SYNPO: variants seen among roughly 807,000 people sequenced by gnomAD.
SYNPO encodes the protein synaptopodin.
In SYNPO, 19 loss-of-function variants were observed where a neutral mutation model predicts 49.5. The observed-to-expected ratio is 0.38, with a 90% CI of 0.27 to 0.56. The LOEUF is 0.56. SYNPO is among the 20% of genes least tolerant of loss of function. The pLI, the probability that SYNPO is intolerant of heterozygous loss-of-function variation, is 0.68. For missense variants in SYNPO, 1,131 were observed against 1,248.3 expected, an observed-to-expected ratio of 0.91 and a Z score of 1.42; for synonymous variants, 536 against 548.0, an observed-to-expected ratio of 0.98 and a Z score of 0.31.
At chr5:150,625,040 C>G in intron 2 of SYNPO, 2 of 921,472 alleles carry the variant, frequency 2.2e-6, no homozygotes, top group Non-Finnish European at 1.3e-6. Flanking sequence ...GCGGGGTGAC[C>G]TTGGCCAAGT....
chr5:150,641,803 G>T (rs1490647556), intron 1 of SYNPO, among the ~76,000 whole-genome samples: 1 of 152,260 alleles, frequency 6.6e-6, no homozygotes, highest in Non-Finnish European at 1.5e-5. Flanking sequence ...GAAAGAAGGA[G>T]TTGTTCTAGG....
chr5:150,640,049 C>T, upstream of SYNPO: 1 of 819,576 alleles, frequency 1.2e-6, no homozygotes, highest in Non-Finnish European at 1.5e-6. Flanking sequence ...AGCGTCTTCT[C>T]TAATATGGAG....
At chr5:150,651,138 G>A (rs2151427551) in intron 2 of SYNPO, 2 of 1,052,252 alleles carry the variant, frequency 1.9e-6, no homozygotes, top group Non-Finnish European at 1.2e-6. Context: ...GCCCTGTAGG[G>A]GGCTGTGCAG....
chr5:150,635,348 G>A (rs542210925), intron 2 of SYNPO, among the ~76,000 whole-genome samples: 1 of 152,372 alleles, frequency 6.6e-6, no homozygotes, highest in Admixed American at 6.5e-5. Flanking sequence ...GCCGGCTGGA[G>A]CCTCTCCAGC....
At position 150,650,070 on chromosome 5, in the gene SYNPO, G is replaced by T. The variant is rs1561658170; in HGVS notation, c.1795G>T (p.Val599Leu). 6.2e-7 allele frequency: 1 copy of T among 1,613,348 alleles called. No individual in the cohort carries two copies. The highest frequency in any genetic ancestry group is 2.2e-5 in the East Asian group (1 of 44,874). The change falls in exon 2 of 3, where the codon GTG (valine) becomes TTG (leucine). Residue 599 changes from valine (V) to leucine (L), a missense_variant. This residue lies in a region of SYNPO where 509 missense variants were observed against 484.5 expected (regional missense o/e 1.05). Transcript: ENST00000307662. Reference protein sequence around the residue: ...SPAKPSSLDLVPNLPKGALPP... With the variant: ...SPAKPSSLDLLPNLPKGALPP... ...CGCCAAGCCCAGCTCCTTGGACCTGGTGCCCAACCTGCCCAAGGGGGCTCT... is the reference window on the plus strand; with the variant it reads ...CGCCAAGCCCAGCTCCTTGGACCTGTTGCCCAACCTGCCCAAGGGGGCTCT...
chr5:150,590,218 T>C, the SYNPO span, among the ~76,000 whole-genome samples: 1 of 152,224 alleles, frequency 6.6e-6, no homozygotes, highest in African/African-American at 2.4e-5. Context: ...GCATCTTTGC[T>C]GAGGATCAAG....
At chr5:150,613,257 G>T (rs934998325) in intron 1 of SYNPO, among the ~76,000 whole-genome samples, 1 of 152,054 alleles carries the variant, frequency 6.6e-6, no homozygotes, top group Non-Finnish European at 1.5e-5. Context: ...TCCCCCAACC[G>T]TGTAGGGCTG....
upstream of SYNPO, among the ~76,000 whole-genome samples, chr5:150,636,768 T>G (rs1409762151): frequency 1.0e-5 from 1 of 99,438 alleles, no homozygotes; most frequent in African/African-American, 4.0e-5. Flanking sequence ...AGAAGTGACA[T>G]GGGGATCCCC....
At chr5:150,632,254 A>G (rs899237097) in intron 2 of SYNPO, among the ~76,000 whole-genome samples, 3 of 152,208 alleles carry the variant, frequency 2.0e-5, no homozygotes, top group Admixed American at 1.3e-4. Flanking sequence ...GCAGAATCCC[A>G]GGCCTCCTCA....
In SYNPO at chr5:150,656,506, G is replaced by C. The variant is rs1206690739; in HGVS notation, c.2131G>C (p.Gly711Arg). 3 of 1,531,954 alleles carry C rather than the reference G, an allele frequency of 2.0e-6. No individual in the cohort carries two copies. Among genetic ancestry groups the C allele is most frequent in the Admixed American group, 3.9e-5 (2 of 50,846 alleles). The allele number at this position is 1,531,954 out of a possible 1,614,324, so 94.9% of individuals were successfully genotyped here. A position where few individuals can be genotyped will look rare whatever the true frequency, so the allele number is the denominator to read the frequency against. ...GGTGAGCCCGGGCCCGTGGGAGCCA[G>C]GTCGCGGGAGCAGCATGAGCAGCCC... ...GWVSPGPWEP[G>R]RGSSMSSPPP... Residue 711 changes from glycine to arginine, a missense_variant, in exon 3 of 3, where the codon GGT becomes CGT. Physicochemically the swap from Gly to Arg is moderately radical, Grantham distance 125. Around this residue, in one of 4 missense-constraint regions of SYNPO, gnomAD observed 509 missense variants for 484.5 expected, o/e 1.05. Coordinates refer to ENST00000307662, the MANE Select transcript of SYNPO (RefSeq NM_007286.6).
chr5:150,589,954 CCGCCAGGGG>C, the SYNPO span, among the ~76,000 whole-genome samples: 2 of 152,238 alleles, frequency 1.3e-5, no homozygotes, highest in Non-Finnish European at 2.9e-5. Context: ...CCCACATCCC[CCGCCAGGGG>C]TGGCTGCAAA....
At chr5:150,632,446 C>A (rs1757572128) in intron 2 of SYNPO, among the ~76,000 whole-genome samples, 1 of 152,122 alleles carries the variant, frequency 6.6e-6, no homozygotes, top group South Asian at 2.1e-4. Context: ...GGGCACCCAC[C>A]CACTGTATAT....
Position 150,659,079 on chromosome 5 carries a change from G to A in SYNPO, c.*1992G>A, listed in dbSNP as rs1194657762. 5 of 152,352 alleles carry A rather than the reference G, an allele frequency of 3.3e-5. No individual in the cohort carries two copies. The South Asian group carries it at 1.0e-3, about 32-fold the overall frequency. The allele number at this position is 152,352 out of a possible 1,614,324, so 9.4% of individuals were successfully genotyped here. Reference sequence around the variant, plus strand: ...AGAAACCGGCAGTTCCCAAGCCAGCGCCTGGCTGTTCTCTCATTGTCACTG... The same window carrying A: ...AGAAACCGGCAGTTCCCAAGCCAGCACCTGGCTGTTCTCTCATTGTCACTG... On this transcript the variant is annotated 3_prime_UTR_variant, in exon 3 of 3. Coordinates refer to ENST00000307662, the MANE Select transcript of SYNPO (RefSeq NM_007286.6).
intron 1 of SYNPO, among the ~76,000 whole-genome samples, chr5:150,643,490 T>G (rs1314491779): frequency 6.6e-6 from 1 of 152,210 alleles, no homozygotes; most frequent in Non-Finnish European, 1.5e-5. Context: ...ATCTGATGTA[T>G]CTGCAAATCT....
the SYNPO span, among the ~76,000 whole-genome samples, chr5:150,589,378 T>C: frequency 0.018 from 2,751 of 152,322 alleles, 80 homozygotes; most frequent in African/African-American, 0.062. Context: ...AGATAATTTC[T>C]GAGCAGCACA....
chr5:150,612,240 A>G (rs60734136), intron 1 of SYNPO, among the ~76,000 whole-genome samples: 24,214 of 152,110 alleles, frequency 0.16, 2,197 homozygotes, highest in East Asian at 0.3. Context: ...GGGCAGGTGC[A>G]CCTGAGCCAT....
intron 2 of SYNPO, among the ~76,000 whole-genome samples, chr5:150,630,151 C>T (rs975712181): frequency 1.3e-5 from 2 of 152,128 alleles, no homozygotes; most frequent in Admixed American, 1.3e-4. Flanking sequence ...TCAAGGGTGC[C>T]CTGCAGTCAC....
At chr5:150,655,984 T>A (rs1489504064) in intron 2 of SYNPO, among the ~76,000 whole-genome samples, 1 of 152,260 alleles carries the variant, frequency 6.6e-6, no homozygotes, top group Non-Finnish European at 1.5e-5. Flanking sequence ...TCAACATCTA[T>A]TGAGCACTTT....
chr5:150,594,642 A>G, the SYNPO span, among the ~76,000 whole-genome samples: 1 of 152,124 alleles, frequency 6.6e-6, no homozygotes, highest in Non-Finnish European at 1.5e-5. Context: ...CGGGCCTCAC[A>G]TTTGCAGACT....
Sources: gnomAD v4.1 joint callset for allele counts (sites outside exome capture counted in the v4.1 genomes callset) on GRCh38, gnomAD v4.1.1 for gene constraint, gnomAD v4.1.1 regional missense constraint, MANE v1.5 for transcripts, NCBI Gene and HGNC (gene_info 2026-07-23, HGNC 2026-07-21) for gene names.